RCOR3: variants seen among roughly 807,000 people sequenced by gnomAD.
The protein encoded by RCOR3 is REST corepressor 3.
RCOR3 carries 13 observed loss-of-function variants against 64.1 expected under a neutral mutation model. That is an observed-to-expected ratio of 0.20 (90% CI 0.13 to 0.32). The LOEUF is 0.32. Ranked by LOEUF, RCOR3 falls within the 10% of genes least tolerant of loss-of-function variation. RCOR3 has a pLI of 1.00. For synonymous variants in RCOR3, 215 were observed against 239.0 expected (o/e 0.90, Z 0.93); for missense variants, 489 against 701.2 (o/e 0.70, Z 3.42).
chr1:211,300,924 G>C (rs1357913588), intron 9 of RCOR3, among the ~76,000 whole-genome samples: 2 of 151,996 alleles, frequency 1.3e-5, no homozygotes, highest in African/African-American at 4.8e-5. Context: ...GTGCGTGTGT[G>C]TGTGTGTAAA....
At chr1:211,295,559 A>G (rs888471225) in intron 8 of RCOR3, 117 bp from the exon 9 acceptor site, 8 of 786,772 alleles carry the variant, frequency 1.0e-5, no homozygotes, top group East Asian at 8.0e-5. Context: ...TAGTATGACT[A>G]TTCTCCTAAA....
intron 3 of RCOR3, among the ~76,000 whole-genome samples, chr1:211,272,442 G>C (rs1696332392): frequency 6.6e-6 from 1 of 151,986 alleles, no homozygotes; most frequent in African/African-American, 2.4e-5. Flanking sequence ...GAGTGTGCTG[G>C]TAGTGTAGTG....
intron 9 of RCOR3, chr1:211,301,669 T>G (rs1259968654): frequency 6.6e-6 from 1 of 152,182 alleles, no homozygotes; most frequent in East Asian, 1.9e-4. Flanking sequence ...TCTCCAACCT[T>G]TCCTTGTTCT....
At chr1:211,290,471 G>A (rs1453908610) in intron 8 of RCOR3, among the ~76,000 whole-genome samples, 1 of 152,076 alleles carries the variant, frequency 6.6e-6, no homozygotes, top group Non-Finnish European at 1.5e-5. Flanking sequence ...CATCACTACT[G>A]CCCATTTAGG....
chr1:211,297,185 A>T (rs758446275), intron 9 of RCOR3, among the ~76,000 whole-genome samples: 20 of 152,174 alleles, frequency 1.3e-4, no homozygotes, highest in Non-Finnish European at 2.6e-4. Context: ...GATAATTCTA[A>T]TCTCATATTT....
chr1:211,289,620 A>G (rs1276420759), intron 8 of RCOR3, among the ~76,000 whole-genome samples: 1 of 152,186 alleles, frequency 6.6e-6, no homozygotes, highest in Non-Finnish European at 1.5e-5. Context: ...TCTTGGGCAA[A>G]TTAACCTCTG....
chr1:211,260,200 C>G, intron 2 of RCOR3, 36 bp downstream of exon 2: 1 of 1,594,678 alleles, frequency 6.3e-7, no homozygotes, highest in Non-Finnish European at 8.6e-7. Context: ...CTCATATCCC[C>G]TTTCCTGGGC....
chr1:211,282,436 C>G (rs943574064), intron 7 of RCOR3, among the ~76,000 whole-genome samples: 4 of 151,578 alleles, frequency 2.6e-5, no homozygotes, highest in Non-Finnish European at 4.4e-5. Flanking sequence ...ATAATAGATA[C>G]CAGTGTATCT....
intron 2 of RCOR3, chr1:211,261,343 T>C (rs777654971): frequency 6.6e-6 from 1 of 152,050 alleles, no homozygotes; most frequent in Non-Finnish European, 1.5e-5. Context: ...CTGTCCCAAG[T>C]GAGGAGGATG....
At chr1:211,304,455 C>T (rs944894723) in intron 10 of RCOR3, among the ~76,000 whole-genome samples, 1 of 152,194 alleles carries the variant, frequency 6.6e-6, no homozygotes, top group African/African-American at 2.4e-5. Context: ...TTCGTTCTTA[C>T]TATATATCAT....
At chr1:211,287,843 A>C (rs1481034001) in intron 7 of RCOR3, among the ~76,000 whole-genome samples, 2 of 152,044 alleles carry the variant, frequency 1.3e-5, no homozygotes, top group African/African-American at 4.8e-5. Context: ...GTGCCACTGC[A>C]CTCCAGCCTG....
chr1:211,308,632 C>G (rs1474232320), intron 10 of RCOR3, among the ~76,000 whole-genome samples: 1 of 147,472 alleles, frequency 6.8e-6, no homozygotes, highest in Non-Finnish European at 1.5e-5. Flanking sequence ...TACCCATAAG[C>G]AGCTTACCAT....
chr1:211,265,774 C>CTGAG (rs975853510), intron 2 of RCOR3, among the ~76,000 whole-genome samples: 138 of 152,226 alleles, frequency 9.1e-4, no homozygotes, highest in African/African-American at 3.2e-3. Flanking sequence ...GAGTAAGGTT[C>CTGAG]TGAGTGTTAA....
intron 4 of RCOR3, among the ~76,000 whole-genome samples, chr1:211,274,542 A>C (rs967628109): frequency 1.3e-5 from 2 of 152,076 alleles, no homozygotes; most frequent in African/African-American, 4.8e-5. Context: ...TCCTCTGGCA[A>C]ATGCTTACCA....
rs1701839885 is a variant in RCOR3, at chr1:211,315,885, T to A, written c.*2117T>A. On this transcript the variant is annotated 3_prime_UTR_variant, in exon 12 of 12. Transcript: ENST00000419091. ...AATATGACACATGTATATAGTGAGA[T>A]GTCTTTATTGTGTGCTTTGCATATT... 6.6e-6 allele frequency: 1 copy of A among 152,228 alleles called. No individual in the cohort carries two copies. The highest frequency in any genetic ancestry group is 1.5e-5 in the Non-Finnish European group (1 of 68,042). 9.4% of individuals were successfully genotyped at this position (152,228 alleles called of 1,614,324 possible).
intron 7 of RCOR3, among the ~76,000 whole-genome samples, chr1:211,286,793 G>C (rs1470350629): frequency 6.6e-6 from 1 of 152,054 alleles, no homozygotes; most frequent in Non-Finnish European, 1.5e-5. Context: ...TTACATCTTG[G>C]TTTTTTAAAT....
At chr1:211,293,976 T>C (rs1048951341) in intron 8 of RCOR3, among the ~76,000 whole-genome samples, 1 of 152,210 alleles carries the variant, frequency 6.6e-6, no homozygotes, top group Non-Finnish European at 1.5e-5. Context: ...TTGTATCTCC[T>C]AGCCTTAGGA....
rs1701845212 is a variant in RCOR3 at position 211,316,016 on chromosome 1, T to A, written c.*2248T>A. On this transcript the variant is annotated 3_prime_UTR_variant, in exon 12 of 12. Transcript: ENST00000419091. ...AATCAAAGGATTAAAGATTTAAAGA[T>A]GTCTATGTCTTCTATTTTTATATAA... 1 of 152,246 alleles carries A rather than the reference T, an allele frequency of 6.6e-6. No homozygotes were observed. 9.4% of individuals were successfully genotyped at this position (152,246 alleles called of 1,614,324 possible).
intron 2 of RCOR3, among the ~76,000 whole-genome samples, chr1:211,266,844 T>C (rs1695283581): frequency 6.6e-6 from 1 of 152,242 alleles, no homozygotes; most frequent in Non-Finnish European, 1.5e-5. Context: ...ATAGCACATG[T>C]TACTTTCTCC....
Sources: allele counts gnomAD v4.1 joint callset (sites outside exome capture counted in the v4.1 genomes callset), GRCh38; gene constraint gnomAD v4.1.1; transcripts MANE v1.5; gene names NCBI Gene and HGNC (gene_info 2026-07-23, HGNC 2026-07-21).